The following VPS13D variants were observed in gnomAD, a reference collection of about 807,000 sequenced individuals.
VPS13D encodes the protein vacuolar protein sorting 13 homolog D, also known as intermembrane lipid transfer protein VPS13D.
A neutral mutation model predicts 461.9 loss-of-function variants in VPS13D; 187 were observed. That is an observed-to-expected ratio of 0.40 (90% confidence interval 0.36 to 0.46). The LOEUF (loss-of-function observed/expected upper bound fraction) is 0.46, where lower values mean the gene tolerates loss of function less well. VPS13D is among the 20% of genes least tolerant of loss of function. VPS13D has a pLI of 0.60. For missense variants in VPS13D, 4,711 were observed against 5,364.9 expected (o/e 0.88, Z 3.81); for synonymous variants, 1,951 against 1,986.3 (o/e 0.98, Z 0.47).
chr1:12,243,312 T>C (rs964474731), intron 3 of VPS13D, among the ~76,000 whole-genome samples: 5 of 152,168 alleles, frequency 3.3e-5, no homozygotes, highest in Non-Finnish European at 7.3e-5. Flanking sequence ...TCACCCAGGC[T>C]GGAGTACAGG....
intron 65 of VPS13D, among the ~76,000 whole-genome samples, chr1:12,442,759 A>G (rs1645146036): frequency 6.6e-6 from 1 of 151,966 alleles, no homozygotes; most frequent in South Asian, 2.1e-4. Flanking sequence ...CACCACGCCC[A>G]GCTAATTTTT....
chr1:12,455,889 A>T, intron 65 of VPS13D, 109 bp from the exon 66 acceptor site: 2 of 1,362,432 alleles, frequency 1.5e-6, no homozygotes, highest in South Asian at 1.6e-5. Context: ...ACTACAGACC[A>T]GCATGGGCTT....
chr1:12,335,947 T>C, intron 39 of VPS13D, 120 bp downstream of exon 39: 1 of 1,432,336 alleles, frequency 7.0e-7, no homozygotes, highest in Non-Finnish European at 9.6e-7. Context: ...AAATTCTGAC[T>C]ATCTTCTGTA....
At chr1:12,451,925 C>A (rs559056289) in intron 65 of VPS13D, among the ~76,000 whole-genome samples, 1 of 152,192 alleles carries the variant, frequency 6.6e-6, no homozygotes, top group African/African-American at 2.4e-5. Context: ...TTACCTAATC[C>A]TTACAGCATC....
chr1:12,274,368 G>A (rs1641545561), intron 18 of VPS13D, among the ~76,000 whole-genome samples: 1 of 152,168 alleles, frequency 6.6e-6, no homozygotes, highest in South Asian at 2.1e-4. Context: ...TAGAGACAGG[G>A]TTTCGCCATG....
intron 7 of VPS13D, among the ~76,000 whole-genome samples, chr1:12,254,439 C>T (rs1640843541): frequency 6.6e-6 from 1 of 151,222 alleles, no homozygotes; most frequent in South Asian, 2.1e-4. Flanking sequence ...TGGTGGCATT[C>T]CCTTAAGTGA....
At chr1:12,330,267 T>C (rs1243790955) in intron 37 of VPS13D, among the ~76,000 whole-genome samples, 1 of 151,798 alleles carries the variant, frequency 6.6e-6, no homozygotes, top group East Asian at 2.0e-4. Context: ...AATACAAAAC[T>C]AGCTGGGCAT....
At chr1:12,291,610 G>T (rs1393473116) in intron 23 of VPS13D, among the ~76,000 whole-genome samples, 1 of 152,018 alleles carries the variant, frequency 6.6e-6, no homozygotes, top group Non-Finnish European at 1.5e-5. Flanking sequence ...GTGATGGAGG[G>T]GGGCCTTGTC....
At chr1:12,338,071 A>G in intron 39 of VPS13D, 160 bp from the exon 40 acceptor site, 1 of 592,100 alleles carries the variant, frequency 1.7e-6, no homozygotes. Flanking sequence ...TGTCAAGTAC[A>G]TTCGTAGTGC....
intron 65 of VPS13D, among the ~76,000 whole-genome samples, chr1:12,428,752 A>G (rs564529487): frequency 2.0e-5 from 3 of 152,332 alleles, no homozygotes; most frequent in South Asian, 2.1e-4. Context: ...CCATTTGTGC[A>G]CACATCTCTG....
rs146424931 is a variant in VPS13D at position 12,371,916 on chromosome 1, T to C, written c.10809-1834T>C. On this transcript the variant is annotated intron_variant, in intron 54 of 69. Transcript: ENST00000620676. ...AGAGTGGAGTTGCTGGGTTCTATTA[T>C]AATTCTAAGTTTAACTTTTTGAGGA... Among the ~76,000 whole-genome samples the C allele has an allele frequency of 2.0e-4, 30 of 152,348 alleles. No individual in the cohort carries two copies. In the East Asian group the frequency reaches 5.8e-3, roughly 29 times the overall value.
At chr1:12,310,817 CTCCTTCCCTCCTTCCTTCCT>C in intron 27 of VPS13D, among the ~76,000 whole-genome samples, 1 of 124,782 alleles carries the variant, frequency 8.0e-6, no homozygotes, top group Non-Finnish European at 1.7e-5. Context: ...CCCTCCCTCC[CTCCTTCCCTCCTTCCTTCCT>C]TCCCTCCTTC....
rs758548329 is a variant in VPS13D at position 12,288,226 on chromosome 1, C to A, written c.5638C>A (p.His1880Asn). The change falls in exon 22 of 70, where the codon CAT becomes AAT. Residue 1880 changes from histidine to asparagine, a missense_variant. His to Asn is a moderately conservative substitution (Grantham distance 68). Coordinates refer to ENST00000620676, the MANE Select transcript of VPS13D (RefSeq NM_015378.4). ...PVNTKLDLKV[H>N]SLSLVLNKTT... ...GCTTTATCTTGTCTGTTCCTAGGTTCATTCACTTTCTCTAGTGCTGAATAA... is the reference window on the plus strand; with the variant it reads ...GCTTTATCTTGTCTGTTCCTAGGTTAATTCACTTTCTCTAGTGCTGAATAA... 1 of 1,612,992 alleles carries A rather than the reference C, an allele frequency of 6.2e-7. No individual in the cohort carries two copies. The highest frequency in any genetic ancestry group is 8.5e-7 in the Non-Finnish European group (1 of 1,179,134).
In VPS13D at chr1:12,283,316, G is replaced by C; in HGVS notation, c.5214G>C (p.Leu1738Phe). Residue 1738 changes from leucine (L) to phenylalanine (F), a missense_variant, in exon 21 of 70, where the codon TTG becomes TTC. By Grantham distance (22) the Leu-to-Phe change is conservative (BLOSUM62 0). This residue lies in a region of VPS13D where 4,411 missense variants were observed against 4,937.8 expected (regional missense o/e 0.89). Transcript: ENST00000620676. Reference protein sequence around the residue: ...HMEEAPNVFQLYQRPTSASRK... With the variant: ...HMEEAPNVFQFYQRPTSASRK... ...AAGAAGCTCCTAATGTCTTCCAGTT[G>C]TATCAAAGGCCCACCTCTGCGTCCC... 6.2e-7 allele frequency: 1 copy of C among 1,614,076 alleles called. No individual in the cohort carries two copies.
At chr1:12,257,213 G>A (rs971698314) in intron 9 of VPS13D, 126 bp downstream of exon 9, 4 of 777,822 alleles carry the variant, frequency 5.1e-6, no homozygotes, top group Non-Finnish European at 6.4e-6. Flanking sequence ...TGATTTTTCT[G>A]GTCCTTGGAA....
intron 13 of VPS13D, 62 bp downstream of exon 13, chr1:12,262,142 A>T (rs571465876): frequency 3.3e-6 from 5 of 1,526,132 alleles, no homozygotes; most frequent in Non-Finnish European, 4.4e-6. Flanking sequence ...TGTCCAGGCG[A>T]TTCTCATTAT....
intron 55 of VPS13D, among the ~76,000 whole-genome samples, chr1:12,376,983 T>G (rs1237348406): frequency 6.6e-6 from 1 of 152,206 alleles, no homozygotes; most frequent in Non-Finnish European, 1.5e-5. Flanking sequence ...TCACCGAGCC[T>G]TAACTTCCTC....
At chr1:12,451,723 C>T (rs772331349) in intron 65 of VPS13D, among the ~76,000 whole-genome samples, 1 of 152,246 alleles carries the variant, frequency 6.6e-6, no homozygotes, top group Non-Finnish European at 1.5e-5. Context: ...CTGCAGATAG[C>T]TTCCGCTTTG....
chr1:12,443,161 C>G (rs1356426629), intron 65 of VPS13D, among the ~76,000 whole-genome samples: 5 of 152,216 alleles, frequency 3.3e-5, no homozygotes, highest in Admixed American at 6.5e-5. Context: ...TCAAATCTTT[C>G]TCTTCTGTTT....
Sources: allele counts gnomAD v4.1 joint callset (sites outside exome capture counted in the v4.1 genomes callset), GRCh38; gene constraint gnomAD v4.1.1; regional missense constraint gnomAD v4.1.1; transcripts MANE v1.5; gene names NCBI Gene and HGNC (gene_info 2026-07-23, HGNC 2026-07-21).